The following ANXA4 variants were observed in gnomAD, a reference collection of about 807,000 sequenced individuals.
The protein encoded by ANXA4 is 35-beta calcimedin.
In ANXA4, 39 loss-of-function variants were observed where a neutral mutation model predicts 49.8. The observed-to-expected ratio is 0.78, with a 90% confidence interval of 0.61 to 1.02. The LOEUF (loss-of-function observed/expected upper bound fraction) is 1.02, where lower values mean the gene tolerates loss of function less well. ANXA4 is among the 50% of genes least tolerant of loss of function. The pLI is 0.00. For missense variants in ANXA4, 360 were observed against 410.1 expected (o/e 0.88, Z 1.05); for synonymous variants, 134 against 152.5 (o/e 0.88, Z 0.89).
At chr2:69,690,769 A>G (rs61658460) in intron 2 of ANXA4, among the ~76,000 whole-genome samples, 25,634 of 152,150 alleles carry the variant, frequency 0.17, 2,617 homozygotes, top group East Asian at 0.37. Flanking sequence ...TTTACCCATC[A>G]CATGCCATCT....
intron 1 of ANXA4, among the ~76,000 whole-genome samples, chr2:69,763,134 T>C (rs886892347): frequency 2.0e-5 from 3 of 152,202 alleles, no homozygotes; most frequent in Non-Finnish European, 4.4e-5. Flanking sequence ...GTTCTGTTTT[T>C]GTGCTCTTCT....
chr2:69,781,283 T>C lies in ANXA4; in HGVS notation c.-46-237T>C, dbSNP rs1672188153. ...AGGAATCCTTTCTGTAGTGTGTATCTCCAAACAGAAGAACAGGTGGGAAAA... is the reference window on the plus strand; with the variant it reads ...AGGAATCCTTTCTGTAGTGTGTATCCCCAAACAGAAGAACAGGTGGGAAAA... On this transcript the variant is annotated intron_variant, in intron 1 of 12. Coordinates refer to ENST00000394295, the MANE Select transcript of ANXA4 (RefSeq NM_001153.5). 6 of 563,432 alleles carry C rather than the reference T, an allele frequency of 1.1e-5. No individual in the cohort carries two copies. In the East Asian group the frequency reaches 1.8e-4, roughly 17 times the overall value. The allele number at this position is 563,432 out of a possible 1,614,324, so 34.9% of individuals were successfully genotyped here. A position where few individuals can be genotyped will look rare whatever the true frequency, so the allele number is the denominator to read the frequency against.
intron 12 of ANXA4, among the ~76,000 whole-genome samples, chr2:69,822,982 A>G (rs564881897): frequency 1.3e-5 from 2 of 151,554 alleles, no homozygotes; most frequent in African/African-American, 2.4e-5. Flanking sequence ...TGTGAAAAGA[A>G]TAGATGAAGT....
At chr2:69,750,325 T>G (rs968223303) in intron 1 of ANXA4, among the ~76,000 whole-genome samples, 6 of 152,240 alleles carry the variant, frequency 3.9e-5, no homozygotes, top group Non-Finnish European at 5.9e-5. Context: ...CGCTCATTCT[T>G]GCCGTGTGTT....
chr2:69,766,916 A>C (rs934642565), intron 1 of ANXA4, among the ~76,000 whole-genome samples: 1 of 151,852 alleles, frequency 6.6e-6, no homozygotes, highest in Non-Finnish European at 1.5e-5. Flanking sequence ...GGAGAAATGC[A>C]CTCTTTCTGG....
intron 6 of ANXA4, chr2:69,808,647 A>C (rs1558519561): frequency 6.6e-6 from 1 of 152,120 alleles, no homozygotes; most frequent in Non-Finnish European, 1.5e-5. Flanking sequence ...TATATTAAAG[A>C]GTATTTTTTT....
chr2:69,699,847 A>T (rs1371875231), intron 2 of ANXA4, among the ~76,000 whole-genome samples: 2 of 152,170 alleles, frequency 1.3e-5, no homozygotes, highest in Non-Finnish European at 2.9e-5. Context: ...AATTTTCAGC[A>T]CATGCTGTGC....
intron 12 of ANXA4, among the ~76,000 whole-genome samples, chr2:69,821,478 T>C (rs1031655413): frequency 3.7e-5 from 5 of 133,954 alleles, no homozygotes; most frequent in African/African-American, 1.8e-4. Context: ...TAACTGCAGA[T>C]TTTTTTTTTT....
intron 3 of ANXA4, among the ~76,000 whole-genome samples, chr2:69,790,874 G>A (rs1028484120): frequency 6.6e-6 from 1 of 152,138 alleles, no homozygotes; most frequent in African/African-American, 2.4e-5. Context: ...ACAGATGTAT[G>A]ATAAGTCTTA....
At chr2:69,669,239 C>G (rs1024342007) in intron 2 of ANXA4, among the ~76,000 whole-genome samples, 2 of 151,704 alleles carry the variant, frequency 1.3e-5, no homozygotes, top group African/African-American at 4.8e-5. Flanking sequence ...GCCACTGCGC[C>G]TGGCCTTCTT....
At chr2:69,777,323 G>A (rs956198816) in intron 1 of ANXA4, among the ~76,000 whole-genome samples, 9 of 152,176 alleles carry the variant, frequency 5.9e-5, no homozygotes, top group African/African-American at 1.9e-4. Flanking sequence ...CTCCCCTGAG[G>A]TGAGAGGTTG....
intron 2 of ANXA4, among the ~76,000 whole-genome samples, chr2:69,673,091 G>A (rs1220444529): frequency 2.0e-5 from 3 of 152,182 alleles, no homozygotes; most frequent in Non-Finnish European, 4.4e-5. Flanking sequence ...TTCAACCATT[G>A]TGGAAGACAG....
chr2:69,787,265 G>A (rs1357196883), intron 2 of ANXA4, among the ~76,000 whole-genome samples: 1 of 152,082 alleles, frequency 6.6e-6, no homozygotes, highest in Non-Finnish European at 1.5e-5. Flanking sequence ...GCTTTTTACT[G>A]TTTAATTTAG....
intron 2 of ANXA4, among the ~76,000 whole-genome samples, chr2:69,703,559 T>A (rs1396223385): frequency 6.6e-6 from 1 of 152,236 alleles, no homozygotes; most frequent in Non-Finnish European, 1.5e-5. Flanking sequence ...TAGAGTCTCA[T>A]TTTAACATTT....
At chr2:69,786,909 G>A (rs147181553) in intron 2 of ANXA4, among the ~76,000 whole-genome samples, 1 of 152,204 alleles carries the variant, frequency 6.6e-6, no homozygotes, top group African/African-American at 2.4e-5. Context: ...TGTTTTTGTA[G>A]AGATGAGGTT....
chr2:69,648,820 C>CAAAAAAAA (rs372749631), intron 1 of ANXA4, among the ~76,000 whole-genome samples: 1 of 44,928 alleles, frequency 2.2e-5, no homozygotes, highest in Admixed American at 2.3e-4. Flanking sequence ...GACTCAGTCT[C>CAAAAAAAA]AAAAAAAAAA....
chr2:69,763,446 G>A (rs1469526750), intron 1 of ANXA4, among the ~76,000 whole-genome samples: 1 of 151,984 alleles, frequency 6.6e-6, no homozygotes, highest in African/African-American at 2.4e-5. Context: ...TAGAGGTGGT[G>A]ATGTTGTGTT....
intron 5 of ANXA4, among the ~76,000 whole-genome samples, 196 bp downstream of exon 5, chr2:69,806,694 A>G (rs1051204333): frequency 6.6e-6 from 1 of 152,216 alleles, no homozygotes; most frequent in African/African-American, 2.4e-5. Flanking sequence ...CTCTGGAGGA[A>G]CATGGATGGA....
rs1397001266 is a variant in ANXA4 at position 69,826,041 on chromosome 2, A to T, written c.*526A>T. The stretch of plus-strand genomic sequence containing the variant: ...TCTTTTTTTAGGTTTTGTCCATAGC[A>T]TCAGTTGATCCTTACTAAGTTTTTC... On this transcript the variant is annotated 3_prime_UTR_variant, in exon 13 of 13. Transcript: ENST00000394295. 1 of 152,594 alleles carries T rather than the reference A, an allele frequency of 6.6e-6. No homozygotes were observed. Among genetic ancestry groups the T allele is most frequent in the Non-Finnish European group, 1.5e-5 (1 of 68,080 alleles). 9.5% of individuals were successfully genotyped at this position (152,594 alleles called of 1,614,324 possible).
Sources: gnomAD v4.1 joint callset for allele counts (sites outside exome capture counted in the v4.1 genomes callset) on GRCh38, gnomAD v4.1.1 for gene constraint, MANE v1.5 for transcripts, NCBI Gene and HGNC (gene_info 2026-07-23, HGNC 2026-07-21) for gene names.